The following PCTP variants were observed in gnomAD, a reference collection of about 807,000 sequenced individuals.
PCTP encodes the protein START domain-containing protein 2.
Under a neutral mutation model 31.0 loss-of-function variants are expected in PCTP, and 27 were observed. The ratio of observed to expected loss-of-function variants is 0.87; its 90% CI spans 0.64 to 1.20. PCTP has a LOEUF of 1.20. Ranked by LOEUF, PCTP falls within the 50% of genes most tolerant of loss-of-function variation. The probability of loss-of-function intolerance (pLI) is 0.00; values close to 1 mark genes in which losing one functional copy is unlikely to be tolerated. For synonymous variants in PCTP, 108 were observed against 101.2 expected (o/e 1.07, Z -0.40); for missense variants, 287 against 268.2 (o/e 1.07, Z -0.49).
At chr17:55,839,898 C>A (rs1315060531) in intron 5 of PCTP, among the ~76,000 whole-genome samples, 45 of 108,912 alleles carry the variant, frequency 4.1e-4, no homozygotes, top group Non-Finnish European at 5.6e-4. Context: ...CCAGCCTGGG[C>A]GACAGAGCGA....
chr17:55,831,586 T>C (rs1439693553), intron 5 of PCTP, among the ~76,000 whole-genome samples: 2 of 152,228 alleles, frequency 1.3e-5, no homozygotes, highest in African/African-American at 4.8e-5. Context: ...AAAAAGGGTT[T>C]TGTGTCCTTA....
the PCTP span, among the ~76,000 whole-genome samples, chr17:55,849,336 A>C: frequency 6.6e-6 from 1 of 152,188 alleles, no homozygotes; most frequent in African/African-American, 2.4e-5. Flanking sequence ...AAAAAATAGC[A>C]CTACAGTCAG....
chr17:55,849,452 A>G, the PCTP span, among the ~76,000 whole-genome samples: 1 of 152,080 alleles, frequency 6.6e-6, no homozygotes, highest in Non-Finnish European at 1.5e-5. Flanking sequence ...GTGAAACCCC[A>G]TCTTTACTAA....
At chr17:55,839,512 T>C (rs1905889396) in intron 5 of PCTP, among the ~76,000 whole-genome samples, 2 of 152,158 alleles carry the variant, frequency 1.3e-5, no homozygotes, top group South Asian at 4.1e-4. Flanking sequence ...GGACAAGATA[T>C]CTATAGGTTT....
intron 5 of PCTP, among the ~76,000 whole-genome samples, chr17:55,831,470 C>CGCTTTGGGCATCAGCT (rs1386865183): frequency 6.6e-6 from 1 of 152,132 alleles, no homozygotes; most frequent in Non-Finnish European, 1.5e-5. Context: ...AATAGCCAAC[C>CGCTTTGGGCATCAGCT]GCTTTGGGCA....
downstream of PCTP, among the ~76,000 whole-genome samples, chr17:55,847,408 G>A (rs1324760519): frequency 6.6e-6 from 1 of 152,184 alleles, no homozygotes; most frequent in Non-Finnish European, 1.5e-5. Flanking sequence ...GATCAGGGGG[G>A]CGTTTCCCCT....
intron 5 of PCTP, among the ~76,000 whole-genome samples, chr17:55,833,389 T>C (rs1164418030): frequency 6.6e-6 from 1 of 152,196 alleles, no homozygotes; most frequent in East Asian, 1.9e-4. Flanking sequence ...TTCTACATAC[T>C]TCCTCTGAAT....
chr17:55,756,572 G>A lies in PCTP; in HGVS notation c.141+5328G>A, dbSNP rs923991113. Among the ~76,000 whole-genome samples the A allele has an allele frequency of 2.6e-5, 4 of 152,298 alleles. No homozygotes were observed. In the Middle Eastern group the frequency reaches 0.01, roughly 389 times the overall value. On this transcript the variant is annotated intron_variant, in intron 1 of 5. Coordinates refer to ENST00000268896, the MANE Select transcript of PCTP (RefSeq NM_021213.4). ...TACCTTAGGGATTCAGGTTTAACTG[G>A]TCTAGGGTGGGGCTTTGGTGGTCCT...
chr17:55,843,023 T>C (rs764612886), downstream of PCTP, among the ~76,000 whole-genome samples: 2 of 152,164 alleles, frequency 1.3e-5, no homozygotes, highest in Non-Finnish European at 2.9e-5. Context: ...GATTCATAGA[T>C]GCTATCATGG....
At chr17:55,770,895 C>CT (rs5821104) in intron 2 of PCTP, 159,935 of 307,362 alleles carry the variant, frequency 0.52, 33,847 homozygotes, top group Admixed American at 0.6. Context: ...GATTTTTTTG[C>CT]TTTTTTTTTT....
At chr17:55,762,277 G>T (rs1365228330) in intron 1 of PCTP, among the ~76,000 whole-genome samples, 1 of 152,142 alleles carries the variant, frequency 6.6e-6, no homozygotes, top group Non-Finnish European at 1.5e-5. Context: ...TGTTCTGGTT[G>T]ATCAGTGGGG....
At chr17:55,836,124 GT>G (rs1019869195) in intron 5 of PCTP, among the ~76,000 whole-genome samples, 13 of 152,118 alleles carry the variant, frequency 8.5e-5, no homozygotes, top group South Asian at 6.2e-4. Flanking sequence ...GGTTCACTTA[GT>G]TTTTTTCCCA....
At chr17:55,771,055 T>C in intron 2 of PCTP, 51 bp from the exon 3 acceptor site, 1 of 1,379,632 alleles carries the variant, frequency 7.2e-7, no homozygotes, top group Non-Finnish European at 1.0e-6. Context: ...CCCTTATTAG[T>C]TGTAGCTAAA....
downstream of PCTP, among the ~76,000 whole-genome samples, chr17:55,846,048 C>T (rs1336485500): frequency 6.6e-6 from 1 of 151,982 alleles, no homozygotes; most frequent in East Asian, 1.9e-4. Context: ...TCTTTTCTGT[C>T]AAACGAGGCA....
At chr17:55,796,973 C>T (rs1912206412) in intron 3 of PCTP, among the ~76,000 whole-genome samples, 1 of 151,838 alleles carries the variant, frequency 6.6e-6, no homozygotes, top group South Asian at 2.1e-4. Flanking sequence ...CAACATGTCT[C>T]ATAGTTCAAG....
chr17:55,780,648 A>T (rs573637198), downstream of PCTP, among the ~76,000 whole-genome samples: 63 of 152,318 alleles, frequency 4.1e-4, no homozygotes, highest in African/African-American at 1.5e-3. Context: ...GGAGTCACTC[A>T]TATAGCATAC....
chr17:55,822,454 A>G (rs917060545), intron 3 of PCTP, among the ~76,000 whole-genome samples: 2 of 152,228 alleles, frequency 1.3e-5, no homozygotes, highest in Admixed American at 6.5e-5. Flanking sequence ...AGCCACAGGC[A>G]TGGTTACCCT....
intron 5 of PCTP, chr17:55,842,689 A>G (rs1235651700): frequency 2.6e-5 from 4 of 152,136 alleles, no homozygotes; most frequent in Non-Finnish European, 5.9e-5. Flanking sequence ...TTCCGGTTCT[A>G]TTTTCAGTTT....
intron 3 of PCTP, among the ~76,000 whole-genome samples, chr17:55,803,576 C>A (rs1381343924): frequency 6.6e-6 from 1 of 152,140 alleles, no homozygotes; most frequent in Non-Finnish European, 1.5e-5. Context: ...ACCATCTGAT[C>A]TTTGACAAAC....
Sources: gnomAD v4.1 joint callset for allele counts (sites outside exome capture counted in the v4.1 genomes callset) on GRCh38, gnomAD v4.1.1 for gene constraint, MANE v1.5 for transcripts, NCBI Gene and HGNC (gene_info 2026-07-23, HGNC 2026-07-21) for gene names.